Variants in AMOTL1 observed in about 807,000 individuals in gnomAD.
AMOTL1 encodes angiomotin-like protein 1.
A neutral mutation model predicts 102.9 loss-of-function variants in AMOTL1; 45 were observed. The observed-to-expected ratio is 0.44, with a 90% CI of 0.34 to 0.56. The LOEUF (loss-of-function observed/expected upper bound fraction) is 0.56. AMOTL1 is among the 20% of genes least tolerant of loss of function. The pLI is 0.01. For missense variants in AMOTL1, 1,114 were observed against 1,225.6 expected, an observed-to-expected ratio of 0.91 and a Z score of 1.36; for synonymous variants, 481 against 484.7, an observed-to-expected ratio of 0.99 and a Z score of 0.10.
chr11:94,764,083 C>T (rs2135505013), upstream of AMOTL1, among the ~76,000 whole-genome samples: 1 of 152,288 alleles, frequency 6.6e-6, no homozygotes, highest in Non-Finnish European at 1.5e-5. Flanking sequence ...TCGAAATATC[C>T]TCCTCTCAGC....
chr11:94,711,014 C>A (rs776038972), intron 1 of AMOTL1, among the ~76,000 whole-genome samples: 61 of 152,084 alleles, frequency 4.0e-4, no homozygotes, highest in Non-Finnish European at 7.4e-4. Context: ...CCAAGGTACT[C>A]CAAACATTTT....
At chr11:94,735,251 G>A (rs1290872060) in intron 2 of AMOTL1, among the ~76,000 whole-genome samples, 2 of 152,284 alleles carry the variant, frequency 1.3e-5, no homozygotes, top group South Asian at 2.1e-4. Context: ...GCAGGTTCCC[G>A]GCTTACAGCT....
intron 2 of AMOTL1, chr11:94,729,114 A>T: frequency 2.5e-6 from 3 of 1,188,372 alleles, no homozygotes; most frequent in Non-Finnish European, 3.3e-6. Flanking sequence ...GCACCTCATT[A>T]TGTCAATCCA....
chr11:94,709,435 A>G (rs1367046671), intron 1 of AMOTL1, among the ~76,000 whole-genome samples: 2 of 152,190 alleles, frequency 1.3e-5, no homozygotes, highest in African/African-American at 2.4e-5. Context: ...ATGGCTTCCA[A>G]AATGATAGCA....
At chr11:94,814,834 T>C (rs1175877728) in intron 3 of AMOTL1, among the ~76,000 whole-genome samples, 1 of 152,218 alleles carries the variant, frequency 6.6e-6, no homozygotes, top group Non-Finnish European at 1.5e-5. Flanking sequence ...ATGCCACTTA[T>C]TCAGTTGTCA....
intron 3 of AMOTL1, among the ~76,000 whole-genome samples, chr11:94,751,438 A>G (rs1268013463): frequency 1.3e-5 from 2 of 152,140 alleles, no homozygotes; most frequent in Non-Finnish European, 2.9e-5. Context: ...TATTTCTAAA[A>G]GAAACGAAAC....
intron 1 of AMOTL1, among the ~76,000 whole-genome samples, chr11:94,789,960 G>A (rs1416127903): frequency 1.3e-5 from 2 of 152,178 alleles, no homozygotes; most frequent in Admixed American, 6.5e-5. Context: ...CATAACACCT[G>A]GGAGTTGTTC....
rs551494842 is a variant in AMOTL1 at position 94,844,961 on chromosome 11, C to A, written c.1649-5153C>A. On this transcript the variant is annotated intron_variant, in intron 6 of 12. Coordinates refer to ENST00000433060, the MANE Select transcript of AMOTL1 (RefSeq NM_130847.3). The stretch of plus-strand genomic sequence containing the variant: ...CTCAAAAATCCGTTATATCAGAAAG[C>A]CCTAGAAATTAATTCCTATGTAGGA... Among the ~76,000 whole-genome samples, 5 of 152,244 alleles carry A rather than the reference C, an allele frequency of 3.3e-5. No individual in the cohort carries two copies. In the East Asian group the frequency reaches 9.7e-4, roughly 29 times the overall value.
chr11:94,716,766 T>C (rs1950104281), intron 1 of AMOTL1, among the ~76,000 whole-genome samples: 1 of 152,122 alleles, frequency 6.6e-6, no homozygotes, highest in South Asian at 2.1e-4. Context: ...CTGATGTTGA[T>C]GCAGGTGGAA....
chr11:94,743,663 T>C (rs982021772), intron 3 of AMOTL1, among the ~76,000 whole-genome samples: 6 of 142,004 alleles, frequency 4.2e-5, no homozygotes, highest in African/African-American at 1.1e-4. Context: ...TTTTTTTTTT[T>C]TTTTTTTTTT....
chr11:94,714,169 G>A (rs1181545201), intron 1 of AMOTL1, among the ~76,000 whole-genome samples: 3 of 151,926 alleles, frequency 2.0e-5, no homozygotes, highest in Non-Finnish European at 4.4e-5. Context: ...TTAGTCTGTC[G>A]ATATGGTGAA....
At position 94,830,207 on chromosome 11, in the gene AMOTL1, A is replaced by T; in HGVS notation, c.1558+13A>T. On this transcript the variant is annotated intron_variant, in intron 5 of 12. Transcript: ENST00000433060. ...AGAGACCTCCGAGGCAGGTTTATTC[A>T]TGTTCTCTCTATCTAAACTACCTGT... 6.3e-7 allele frequency: 1 copy of T among 1,588,600 alleles called. No individual in the cohort carries two copies. Among genetic ancestry groups the T allele is most frequent in the Non-Finnish European group, 8.5e-7 (1 of 1,169,986 alleles).
chr11:94,708,494 T>C (rs1157475719), intron 1 of AMOTL1, among the ~76,000 whole-genome samples: 2 of 152,148 alleles, frequency 1.3e-5, no homozygotes, highest in East Asian at 3.9e-4. Flanking sequence ...GAGGCTCATT[T>C]CCCTCAACTG....
At chr11:94,831,350 C>T (rs2135663531) in intron 5 of AMOTL1, 102 bp from the exon 6 acceptor site, 1 of 911,694 alleles carries the variant, frequency 1.1e-6, no homozygotes, top group South Asian at 1.7e-5. Flanking sequence ...CCTGCCTGAG[C>T]ATCTCTTCCT....
intron 1 of AMOTL1, among the ~76,000 whole-genome samples, chr11:94,727,411 A>C (rs184553049): frequency 6.6e-6 from 1 of 152,126 alleles, no homozygotes; most frequent in African/African-American, 2.4e-5. Flanking sequence ...TTAGTTTTGC[A>C]CAGAGAACGT....
rs183692339 is a variant in AMOTL1, at chr11:94,851,714, C to T, written c.1794+1455C>T. Reference sequence around the variant, plus strand: ...ATAATAAAGGACTTTACCTCCTCTTCCTGTTGTTACTTGGAGGATTAAATG... The same window carrying T: ...ATAATAAAGGACTTTACCTCCTCTTTCTGTTGTTACTTGGAGGATTAAATG... On this transcript the variant is annotated intron_variant, in intron 7 of 12. Coordinates refer to ENST00000433060, the MANE Select transcript of AMOTL1 (RefSeq NM_130847.3). Among the ~76,000 whole-genome samples, 180 of 152,346 alleles carry T rather than the reference C, an allele frequency of 1.2e-3. 1 individual carries two copies. The highest frequency in any genetic ancestry group is 4.1e-3 in the African/African-American group (172 of 41,580).
intron 1 of AMOTL1, among the ~76,000 whole-genome samples, chr11:94,790,367 C>T (rs1323238672): frequency 6.6e-6 from 1 of 152,146 alleles, no homozygotes; most frequent in African/African-American, 2.4e-5. Flanking sequence ...TTAAGTACCA[C>T]AAGTTTTGTG....
At chr11:94,832,366 G>A (rs571332528) in intron 6 of AMOTL1, among the ~76,000 whole-genome samples, 2 of 152,190 alleles carry the variant, frequency 1.3e-5, no homozygotes, top group Non-Finnish European at 2.9e-5. Flanking sequence ...GTCTTCTGAT[G>A]TGTGGGTTCC....
exon 2 of AMOTL1, chr11:94,729,045 C>A (rs1950304422): frequency 7.8e-7 from 1 of 1,288,960 alleles, no homozygotes; most frequent in African/African-American, 1.5e-5. Flanking sequence ...ATTTTGCCAG[C>A]ACCAGAGCGG....
Sources: allele counts gnomAD v4.1 joint callset (sites outside exome capture counted in the v4.1 genomes callset), GRCh38; gene constraint gnomAD v4.1.1; transcripts MANE v1.5; gene names NCBI Gene and HGNC (gene_info 2026-07-23, HGNC 2026-07-21).